The following TMEM123 variants were observed in gnomAD, a reference collection of about 807,000 sequenced individuals.
TMEM123 encodes transmembrane protein 123, also known as porimin.
In TMEM123, 16 loss-of-function variants were observed where a neutral mutation model predicts 19.7. That is an observed-to-expected ratio of 0.81 (90% confidence interval 0.55 to 1.23). TMEM123 has a LOEUF of 1.23. Among genes scored for constraint, TMEM123 ranks in the 50% most tolerant of loss-of-function variants. The pLI is 0.00. For missense variants in TMEM123, 313 were observed against 257.8 expected (o/e 1.21, Z -1.47); for synonymous variants, 118 against 99.4 (o/e 1.19, Z -1.12).
Position 102,421,250 on chromosome 11 carries a change from TAAC to T in TMEM123, c.158-19047_158-19045del, listed in dbSNP as rs763415746. Among the ~76,000 whole-genome samples the T allele has an allele frequency of 4.9e-4, 75 of 152,258 alleles. 1 individual carries two copies. Among genetic ancestry groups the T allele is most frequent in the Middle Eastern group, 3.4e-3 (1 of 294 alleles). On this transcript the variant is annotated intron_variant, in intron 2 of 4. Coordinates refer to ENST00000398136, the MANE Select transcript of TMEM123 (RefSeq NM_052932.3). Reference sequence around the variant, plus strand: ...CCATTATAAAATCCACATGAAATAATAACAACAACAACTTCTCATACTCTAAAA... The same window carrying T: ...CCATTATAAAATCCACATGAAATAATAACAACAACTTCTCATACTCTAAAA...
At position 102,401,591 on chromosome 11, in the gene TMEM123, A is replaced by G; in HGVS notation, c.550T>C (p.Tyr184His). Residue 184 changes from tyrosine (Y) to histidine (H), a missense_variant, in exon 4 of 5, where the codon TAC becomes CAC. Tyr to His is a moderately conservative substitution (Grantham distance 83). Coordinates refer to ENST00000398136, the MANE Select transcript of TMEM123 (RefSeq NM_052932.3). Reference sequence around the variant, plus strand: ...GAGTAATACATTTTGCATCCAATGTAAAGAATAGATAAAACTCCCAGCGTT... The same window carrying G: ...GAGTAATACATTTTGCATCCAATGTGAAGAATAGATAAAACTCCCAGCGTT... ...VLTLGVLSIL[Y>H]IGCKMYYSRR... The G allele has an allele frequency of 6.2e-7, 1 of 1,602,594 alleles. No homozygotes were observed. Among genetic ancestry groups the G allele is most frequent in the Non-Finnish European group, 8.5e-7 (1 of 1,177,348 alleles).
At chr11:102,434,804 T>C (rs572806553) in intron 2 of TMEM123, among the ~76,000 whole-genome samples, 5 of 151,970 alleles carry the variant, frequency 3.3e-5, no homozygotes, top group Non-Finnish European at 7.4e-5. Context: ...TTCTTCTGCA[T>C]GTGGATAACC....
chr11:102,398,281 T>G lies in TMEM123; in HGVS notation c.*586A>C. 1 of 277,194 alleles carries G rather than the reference T, an allele frequency of 3.6e-6. No individual in the cohort carries two copies. Among genetic ancestry groups the G allele is most frequent in the Non-Finnish European group, 6.6e-6 (1 of 150,578 alleles). The allele number at this position is 277,194 out of a possible 1,614,324, so 17.2% of individuals were successfully genotyped here. On this transcript the variant is annotated 3_prime_UTR_variant, in exon 5 of 5. Transcript: ENST00000398136. ...TAAGCAAAGCTATTATTTTGGGTTT[T>G]ATTTGAAAATTTTCTTTTTCTTGGA...
At chr11:102,422,650 A>G (rs920607438) in intron 2 of TMEM123, among the ~76,000 whole-genome samples, 1 of 152,130 alleles carries the variant, frequency 6.6e-6, no homozygotes. Context: ...TTTTTACTTC[A>G]CACCAATCTA....
At chr11:102,412,206 G>A (rs372941336) in intron 2 of TMEM123, among the ~76,000 whole-genome samples, 7 of 152,090 alleles carry the variant, frequency 4.6e-5, no homozygotes, top group Non-Finnish European at 7.4e-5. Context: ...CAAGGGAGGC[G>A]AATCATCTGA....
In TMEM123 at chr11:102,452,615, G is replaced by A. The variant is rs2135870260; in HGVS notation, c.9C>T (p.Leu3=). 9 of 1,554,068 alleles carry A rather than the reference G, an allele frequency of 5.8e-6. No homozygotes were observed. Among genetic ancestry groups the A allele is most frequent in the Non-Finnish European group, 6.9e-6 (8 of 1,153,106 alleles). MG[L]GARGAWAALL... ...GCGCGGCCCAAGCACCTCGCGCGCC[G>A]AGTCCCATTGTTCCGAGGGCAGGAT... is the stretch of plus-strand genomic sequence containing the variant. Residue 3 remains leucine (L), a synonymous_variant, in exon 1 of 5, where the codon CTC becomes CTT. Transcript: ENST00000398136.
intron 2 of TMEM123, among the ~76,000 whole-genome samples, chr11:102,425,297 T>C (rs764886718): frequency 4.6e-5 from 7 of 152,244 alleles, no homozygotes; most frequent in Non-Finnish European, 8.8e-5. Context: ...ACAACAACGC[T>C]TGGCAACAGC....
chr11:102,441,049 C>T (rs1183811119), intron 2 of TMEM123, among the ~76,000 whole-genome samples: 1 of 152,120 alleles, frequency 6.6e-6, no homozygotes, highest in African/African-American at 2.4e-5. Flanking sequence ...TAAAGCAAGT[C>T]CTTAGAGACC....
At chr11:102,451,568 G>A (rs562071591) in intron 1 of TMEM123, among the ~76,000 whole-genome samples, 1 of 152,296 alleles carries the variant, frequency 6.6e-6, no homozygotes, top group South Asian at 2.1e-4. Flanking sequence ...TGGATGGATA[G>A]AACTTAAAAC....
intron 2 of TMEM123, among the ~76,000 whole-genome samples, chr11:102,414,702 T>C (rs1228460725): frequency 6.6e-6 from 1 of 152,026 alleles, no homozygotes; most frequent in East Asian, 1.9e-4. Flanking sequence ...AAGAGAGGGA[T>C]AAACATGGAA....
At chr11:102,444,444 G>A (rs1857860712) in intron 2 of TMEM123, among the ~76,000 whole-genome samples, 2 of 148,636 alleles carry the variant, frequency 1.3e-5, no homozygotes, top group Non-Finnish European at 3.0e-5. Flanking sequence ...CTACGGCAAG[G>A]AAGAAACCAA....
chr11:102,414,439 A>G (rs1952028304), intron 2 of TMEM123, among the ~76,000 whole-genome samples: 1 of 152,220 alleles, frequency 6.6e-6, no homozygotes, highest in Non-Finnish European at 1.5e-5. Context: ...AAAATACTAA[A>G]GACAGAGAGA....
chr11:102,409,973 A>G (rs1440605682), intron 2 of TMEM123, among the ~76,000 whole-genome samples: 2 of 152,200 alleles, frequency 1.3e-5, no homozygotes, highest in Non-Finnish European at 2.9e-5. Context: ...CATTTTCTGA[A>G]AATGTTTTAT....
At chr11:102,423,639 T>C (rs1425046746) in intron 2 of TMEM123, among the ~76,000 whole-genome samples, 1 of 152,202 alleles carries the variant, frequency 6.6e-6, no homozygotes, top group African/African-American at 2.4e-5. Context: ...ATAAGCGTAG[T>C]TTTAAACCAC....
Position 102,401,963 on chromosome 11 carries a change from G to A in TMEM123, c.401C>T (p.Thr134Ile). 1.2e-6 allele frequency: 2 copies of A among 1,614,160 alleles called. No individual in the cohort carries two copies. The highest frequency in any genetic ancestry group is 1.7e-6 in the Non-Finnish European group (2 of 1,180,022). The stretch of plus-strand genomic sequence containing the variant: ...TGTCACTGAACTATTGTGGGTTACG[G>A]TCATTGTGGATGTTGATATCTGAGA... The part of the protein sequence containing the change: ...NTSQISTSTM[T>I]VTHNSSVTSA... The change falls in exon 3 of 5, where the codon ACC becomes ATC. Residue 134 changes from threonine to isoleucine, a missense_variant. Coordinates refer to ENST00000398136, the MANE Select transcript of TMEM123 (RefSeq NM_052932.3).
chr11:102,423,658 G>A (rs1952103587), intron 2 of TMEM123, among the ~76,000 whole-genome samples: 1 of 152,158 alleles, frequency 6.6e-6, no homozygotes, highest in Non-Finnish European at 1.5e-5. Context: ...ACTTAGTTCT[G>A]GGGTTCTGCT....
intron 2 of TMEM123, among the ~76,000 whole-genome samples, chr11:102,428,406 A>G (rs1293181784): frequency 6.6e-6 from 1 of 151,900 alleles, no homozygotes; most frequent in Admixed American, 6.6e-5. Context: ...GGTTTAAGCA[A>G]TTCTCCTGCC....
intron 2 of TMEM123, among the ~76,000 whole-genome samples, chr11:102,432,565 C>T (rs946618224): frequency 3.9e-5 from 6 of 152,136 alleles, no homozygotes; most frequent in Non-Finnish European, 7.4e-5. Context: ...AATATGTAGC[C>T]TGATGATGTG....
At chr11:102,415,668 C>T (rs933796619) in intron 2 of TMEM123, among the ~76,000 whole-genome samples, 1 of 152,106 alleles carries the variant, frequency 6.6e-6, no homozygotes, top group Non-Finnish European at 1.5e-5. Flanking sequence ...TGAGACATGG[C>T]TAAAGCAGTG....
Sources: allele counts gnomAD v4.1 joint callset (sites outside exome capture counted in the v4.1 genomes callset), GRCh38; gene constraint gnomAD v4.1.1; transcripts MANE v1.5; gene names NCBI Gene and HGNC (gene_info 2026-07-23, HGNC 2026-07-21).